RGS7: variants seen among roughly 807,000 people sequenced by gnomAD.
RGS7 encodes the protein regulator of G protein signaling 7.
In RGS7, 27 loss-of-function variants were observed where a neutral mutation model predicts 81.1. That is an observed-to-expected ratio of 0.33 (90% CI 0.25 to 0.46). The LOEUF is 0.46. RGS7 is among the 20% of genes least tolerant of loss of function. The pLI is 1.00. For synonymous variants in RGS7, 208 were observed against 207.7 expected, an observed-to-expected ratio of 1.00 and a Z score of -0.01; for missense variants, 396 against 607.4, an observed-to-expected ratio of 0.65 and a Z score of 3.66.
chr1:241,097,585 C>T (rs1419407509), intron 3 of RGS7, among the ~76,000 whole-genome samples: 1 of 152,066 alleles, frequency 6.6e-6, no homozygotes, highest in Non-Finnish European at 1.5e-5. Flanking sequence ...TCCCATGAAG[C>T]ACCCTTCCCA....
Position 240,843,451 on chromosome 1 carries a change from G to A in RGS7, c.610-16279C>T, listed in dbSNP as rs568443496. Among the ~76,000 whole-genome samples, 453 of 151,926 alleles carry A rather than the reference G, an allele frequency of 3.0e-3. 3 individuals carry two copies. Among genetic ancestry groups the A allele is most frequent in the African/African-American group, 1.5e-3 (61 of 41,474 alleles). ...TGGCTGATTTTTGTATTTTTTGTAG[G>A]GATGAGGTTTTGCTATGTTGCCCAG... is the stretch of plus-strand genomic sequence containing the variant. On this transcript the variant is annotated intron_variant, in intron 9 of 18. Coordinates refer to ENST00000440928, the MANE Select transcript of RGS7 (RefSeq NM_001364886.1).
intron 4 of RGS7, among the ~76,000 whole-genome samples, chr1:240,980,802 C>A (rs1191318108): frequency 1.3e-5 from 2 of 151,976 alleles, no homozygotes; most frequent in South Asian, 4.1e-4. Flanking sequence ...TTACTTCATT[C>A]AAAAAAACAA....
chr1:241,202,730 T>C (rs1390097392), intron 2 of RGS7, among the ~76,000 whole-genome samples: 2 of 152,226 alleles, frequency 1.3e-5, no homozygotes, highest in African/African-American at 4.8e-5. Context: ...AGATAAGTTC[T>C]TTACGGCTAG....
chr1:241,066,059 T>C (rs1187788974), intron 3 of RGS7, among the ~76,000 whole-genome samples: 1 of 152,218 alleles, frequency 6.6e-6, no homozygotes, highest in Non-Finnish European at 1.5e-5. Flanking sequence ...AAGTTAAGTG[T>C]AGCATAAAGT....
intron 3 of RGS7, among the ~76,000 whole-genome samples, chr1:241,004,146 A>C (rs1216426787): frequency 6.6e-6 from 1 of 152,212 alleles, no homozygotes; most frequent in Non-Finnish European, 1.5e-5. Context: ...ATAGAGGAGA[A>C]AGTTAAATCA....
In RGS7 at chr1:240,927,038, A is replaced by G. The variant is rs12727761; in HGVS notation, c.385+3679T>C. Among the ~76,000 whole-genome samples the G allele has an allele frequency of 6.2e-3, 950 of 152,184 alleles. 5 individuals carry two copies. The highest frequency in any genetic ancestry group is 0.024 in the Middle Eastern group (7 of 294). ...GGAAACAGGTCAGGATACTAACAAAATGAAATAAACTGGTTTTTTTTGTTT... is the reference window on the plus strand; with the variant it reads ...GGAAACAGGTCAGGATACTAACAAAGTGAAATAAACTGGTTTTTTTTGTTT... On this transcript the variant is annotated intron_variant, in intron 6 of 18. Transcript: ENST00000440928.
intron 2 of RGS7, among the ~76,000 whole-genome samples, chr1:241,252,324 G>A (rs746222978): frequency 3.9e-5 from 6 of 152,166 alleles, no homozygotes; most frequent in African/African-American, 9.7e-5. Flanking sequence ...GATTACAGGC[G>A]TGAGCCACAG....
chr1:241,239,573 T>A (rs899057221), intron 2 of RGS7, among the ~76,000 whole-genome samples: 8 of 152,198 alleles, frequency 5.3e-5, no homozygotes, highest in Admixed American at 2.6e-4. Flanking sequence ...ACAAATGAAC[T>A]GTGTCATACC....
At chr1:241,225,508 A>C (rs2075264468) in intron 2 of RGS7, among the ~76,000 whole-genome samples, 3 of 152,228 alleles carry the variant, frequency 2.0e-5, no homozygotes, top group Admixed American at 6.5e-5. Context: ...TCACTGCTGT[A>C]TCCTCAGCAC....
chr1:240,826,946 G>C (rs1019856516), intron 10 of RGS7, 152 bp downstream of exon 10: 9 of 717,802 alleles, frequency 1.3e-5, no homozygotes, highest in Admixed American at 4.0e-5. Context: ...TGAGCATTAG[G>C]GTGGGGCTAT....
At chr1:240,887,059 G>C (rs1424175820) in intron 6 of RGS7, among the ~76,000 whole-genome samples, 1 of 152,104 alleles carries the variant, frequency 6.6e-6, no homozygotes, top group Non-Finnish European at 1.5e-5. Context: ...AATTCTTGGA[G>C]ATGATGTGTT....
rs1032784277 is a variant in RGS7, at chr1:241,224,939, G to A, written c.79-126177C>T. ...CCCTACAAAAGTTGTCTGTGGTCCT[G>A]CACTCACAGCATGATAACTGAGGGA... On this transcript the variant is annotated intron_variant, in intron 2 of 18. Transcript: ENST00000440928. Among the ~76,000 whole-genome samples the A allele has an allele frequency of 1.1e-4, 16 of 152,160 alleles. No homozygotes were observed. The South Asian group carries it at 1.2e-3, about 12-fold the overall frequency.
chr1:240,951,006 C>T (rs1242702033), intron 4 of RGS7, among the ~76,000 whole-genome samples: 4 of 151,748 alleles, frequency 2.6e-5, no homozygotes, highest in Admixed American at 6.6e-5. Flanking sequence ...ATTGCAGCCT[C>T]GACCTCCCAG....
intron 2 of RGS7, among the ~76,000 whole-genome samples, chr1:241,280,699 CT>C (rs1426194854): frequency 6.6e-6 from 1 of 152,164 alleles, no homozygotes; most frequent in African/African-American, 2.4e-5. Flanking sequence ...CAGGATTTCA[CT>C]GTGTTGCCCA....
intron 3 of RGS7, among the ~76,000 whole-genome samples, chr1:240,990,435 G>A (rs1416411914): frequency 6.6e-6 from 1 of 152,156 alleles, no homozygotes; most frequent in Non-Finnish European, 1.5e-5. Flanking sequence ...AAGCAGAGTA[G>A]GAATACATTG....
intron 5 of RGS7, among the ~76,000 whole-genome samples, chr1:240,931,385 CG>C (rs1461925263): frequency 6.6e-6 from 1 of 151,998 alleles, no homozygotes; most frequent in Non-Finnish European, 1.5e-5. Flanking sequence ...CAGGGTGACT[CG>C]AGTCAATAGT....
intron 14 of RGS7, among the ~76,000 whole-genome samples, chr1:240,810,823 G>C (rs1558287728): frequency 6.6e-6 from 1 of 152,182 alleles, no homozygotes; most frequent in African/African-American, 2.4e-5. Flanking sequence ...TCTCAATACA[G>C]AACTTTAGCA....
intron 2 of RGS7, among the ~76,000 whole-genome samples, chr1:241,329,750 C>T (rs562674277): frequency 6.6e-6 from 1 of 152,136 alleles, no homozygotes; most frequent in South Asian, 2.1e-4. Context: ...TTTTTTAGCT[C>T]TAGGAACTTA....
chr1:241,354,773 A>T (rs2083455336), intron 2 of RGS7, among the ~76,000 whole-genome samples: 1 of 152,214 alleles, frequency 6.6e-6, no homozygotes, highest in Non-Finnish European at 1.5e-5. Context: ...TCAAAGCATG[A>T]CTTCCTTTTT....
Sources: allele counts gnomAD v4.1 joint callset (sites outside exome capture counted in the v4.1 genomes callset), GRCh38; gene constraint gnomAD v4.1.1; transcripts MANE v1.5; gene names NCBI Gene and HGNC (gene_info 2026-07-23, HGNC 2026-07-21).